SHANK2: variants seen among roughly 807,000 people sequenced by gnomAD.
SHANK2 encodes the protein SH3 and multiple ankyrin repeat domains protein 2.
In SHANK2, 43 loss-of-function variants were observed where a neutral mutation model predicts 133.7. The observed-to-expected ratio is 0.32, with a 90% confidence interval of 0.25 to 0.41. The LOEUF (loss-of-function observed/expected upper bound fraction) is 0.41. Ranked by LOEUF, SHANK2 falls within the 10% of genes least tolerant of loss-of-function variation. SHANK2 has a pLI of 1.00. For missense variants in SHANK2, 1,994 were observed against 2,235.8 expected, an observed-to-expected ratio of 0.89 and a Z score of 2.18; for synonymous variants, 1,017 against 952.8, an observed-to-expected ratio of 1.07 and a Z score of -1.24.
rs186125458 is a variant in SHANK2 at position 71,099,515 on chromosome 11, G to T, written c.593-4827C>A. ...CAAATGTCTCCTGGCTATTGTGCGGGTTAACAGATTTAATGTAAAAAATGC... is the reference window on the plus strand; with the variant it reads ...CAAATGTCTCCTGGCTATTGTGCGGTTTAACAGATTTAATGTAAAAAATGC... On this transcript the variant is annotated intron_variant, in intron 6 of 25. Coordinates refer to ENST00000601538, the MANE Select transcript of SHANK2 (RefSeq NM_012309.5). Among the ~76,000 whole-genome samples, 201 of 152,254 alleles carry T rather than the reference G, an allele frequency of 1.3e-3. 1 individual carries two copies. Among genetic ancestry groups the T allele is most frequent in the Middle Eastern group, 3.4e-3 (1 of 294 alleles).
intron 17 of SHANK2, among the ~76,000 whole-genome samples, chr11:70,589,898 A>T (rs1487746227): frequency 6.6e-6 from 1 of 152,230 alleles, no homozygotes; most frequent in Non-Finnish European, 1.5e-5. Flanking sequence ...TCACGCCTGT[A>T]ATCCCAGCAC....
Position 70,804,478 on chromosome 11 carries a change from C to T in SHANK2, c.1663+2524G>A, listed in dbSNP as rs782605781. ...TCCTTTGAAGTGTGAGTTTTGGAACCGAGCTCTGTCATTTCTGTTCTCCCT... is the reference window on the plus strand; with the variant it reads ...TCCTTTGAAGTGTGAGTTTTGGAACTGAGCTCTGTCATTTCTGTTCTCCCT... On this transcript the variant is annotated intron_variant, in intron 13 of 25. Coordinates refer to ENST00000601538, the MANE Select transcript of SHANK2 (RefSeq NM_012309.5). This position sits in a 1 kb window ranked among gnomAD's most constrained non-coding sequence, Gnocchi z 4.1. Among the ~76,000 whole-genome samples, 5 of 152,184 alleles carry T rather than the reference C, an allele frequency of 3.3e-5. No individual in the cohort carries two copies. Among genetic ancestry groups the T allele is most frequent in the African/African-American group, 9.6e-5 (4 of 41,456 alleles).
At chr11:71,114,674 G>A (rs1333782669) in intron 4 of SHANK2, among the ~76,000 whole-genome samples, 1 of 152,086 alleles carries the variant, frequency 6.6e-6, no homozygotes, top group African/African-American at 2.4e-5. Flanking sequence ...GGAGCTACAG[G>A]CCCATTTTAG....
At chr11:70,489,406 TC>T in intron 23 of SHANK2, 58 bp from the exon 24 acceptor site, 1 of 1,579,654 alleles carries the variant, frequency 6.3e-7, no homozygotes, top group Admixed American at 1.7e-5. Flanking sequence ...TACGCAGCTT[TC>T]CCTGAGTTTG....
At position 70,739,176 on chromosome 11, in the gene SHANK2, C is replaced by A. The variant is rs897304224; in HGVS notation, c.1778-40413G>T. Reference sequence around the variant, plus strand: ...CCCCATCAGGAGCCTGACCCACCAGCAACCAACTGAACCTCAGCCAGAGGG... The same window carrying A: ...CCCCATCAGGAGCCTGACCCACCAGAAACCAACTGAACCTCAGCCAGAGGG... On this transcript the variant is annotated intron_variant, in intron 14 of 25. Transcript: ENST00000601538. This position sits in a 1 kb window ranked among gnomAD's most constrained non-coding sequence, Gnocchi z 4.3. Among the ~76,000 whole-genome samples, 3 of 152,216 alleles carry A rather than the reference C, an allele frequency of 2.0e-5. No individual in the cohort carries two copies. The highest frequency in any genetic ancestry group is 6.5e-5 in the Admixed American group (1 of 15,284).
At chr11:70,886,158 C>T (rs1034234540) in intron 11 of SHANK2, among the ~76,000 whole-genome samples, 6 of 152,116 alleles carry the variant, frequency 3.9e-5, no homozygotes, top group Non-Finnish European at 8.8e-5. Flanking sequence ...CGAAGAGGGA[C>T]GAGACAAGAC....
intron 11 of SHANK2, among the ~76,000 whole-genome samples, chr11:70,821,652 C>T (rs1026144149): frequency 1.3e-5 from 2 of 152,066 alleles, no homozygotes; most frequent in Non-Finnish European, 2.9e-5. Context: ...CTCGAACTCC[C>T]GATCTTGTGA....
chr11:70,581,178 C>A (rs782311680), intron 17 of SHANK2, among the ~76,000 whole-genome samples: 1 of 152,162 alleles, frequency 6.6e-6, no homozygotes, highest in Admixed American at 6.5e-5. Context: ...GTAAGTCTAG[C>A]GTTTGAAGGG....
chr11:70,601,046 T>C (rs1363151726), intron 17 of SHANK2, among the ~76,000 whole-genome samples: 1 of 150,874 alleles, frequency 6.6e-6, no homozygotes, highest in African/African-American at 2.5e-5. Flanking sequence ...TATCTATATC[T>C]ATATCTATAT....
At chr11:71,247,890 C>T (rs1216294578) in intron 1 of SHANK2, among the ~76,000 whole-genome samples, 1 of 152,228 alleles carries the variant, frequency 6.6e-6, no homozygotes, top group African/African-American at 2.4e-5. Context: ...GGTGCAGTGC[C>T]GGGTTTGGCA....
At chr11:70,947,176 C>CACACACACAT (rs1555085644) in intron 10 of SHANK2, among the ~76,000 whole-genome samples, 7 of 139,436 alleles carry the variant, frequency 5.0e-5, no homozygotes, top group African/African-American at 1.7e-4. Context: ...CACACACACA[C>CACACACACAT]ACACACACAC....
In SHANK2 at chr11:71,144,418, C is replaced by T. The variant is rs1952609273; in HGVS notation, c.207+2702G>A. ...TCATCTTCTGGGCAGATACAGAGGA[C>T]CCCGTGGAGGATTCCAGAGCTCCAG... On this transcript the variant is annotated intron_variant, in intron 3 of 25. Transcript: ENST00000601538. Among the ~76,000 whole-genome samples, 3 of 152,268 alleles carry T rather than the reference C, an allele frequency of 2.0e-5. No individual in the cohort carries two copies. In the South Asian group the frequency reaches 6.2e-4, roughly 32 times the overall value.
intron 17 of SHANK2, among the ~76,000 whole-genome samples, chr11:70,511,074 C>A (rs2059199055): frequency 6.6e-6 from 1 of 151,874 alleles, no homozygotes; most frequent in South Asian, 2.1e-4. Context: ...TTTTTGTGCA[C>A]CTGCTCCCCG....
chr11:70,701,639 C>T (rs1039075461), intron 14 of SHANK2, among the ~76,000 whole-genome samples: 2 of 152,052 alleles, frequency 1.3e-5, no homozygotes, highest in Non-Finnish European at 2.9e-5. Flanking sequence ...CTCCTGACCT[C>T]GTGATCCACC....
chr11:70,763,559 T>G (rs559228891), intron 14 of SHANK2, among the ~76,000 whole-genome samples: 1 of 152,244 alleles, frequency 6.6e-6, no homozygotes, highest in Non-Finnish European at 1.5e-5. Flanking sequence ...AAAGGCCACC[T>G]ACTGGGGCCA....
intron 2 of SHANK2, among the ~76,000 whole-genome samples, chr11:71,212,603 T>G (rs1591025392): frequency 6.6e-6 from 1 of 152,222 alleles, no homozygotes; most frequent in Non-Finnish European, 1.5e-5. Context: ...TGCTCTAAGA[T>G]GATGAGACCA....
chr11:71,199,450 C>G (rs1323147261), intron 2 of SHANK2, among the ~76,000 whole-genome samples: 1 of 152,248 alleles, frequency 6.6e-6, no homozygotes, highest in Non-Finnish European at 1.5e-5. Flanking sequence ...TGCAGCTACA[C>G]GTGACCACTC....
rs562370126 is a variant in SHANK2 at position 70,564,054 on chromosome 11, C to T, written c.2062-61123G>A. On this transcript the variant is annotated intron_variant, in intron 17 of 25. Transcript: ENST00000601538. Reference sequence around the variant, plus strand: ...TTCATGTGTCACGTGTCCTTTTATCCCCATGTGGCTGCTTTTAACATATTT... The same window carrying T: ...TTCATGTGTCACGTGTCCTTTTATCTCCATGTGGCTGCTTTTAACATATTT... 2.0e-5 allele frequency among the ~76,000 whole-genome samples: 3 copies of T among 152,002 alleles called. No homozygotes were observed. In the South Asian group the frequency reaches 6.2e-4, roughly 32 times the overall value.
chr11:71,119,231 G>C (rs555933553), intron 3 of SHANK2, among the ~76,000 whole-genome samples, 199 bp from the exon 4 acceptor site: 1 of 152,076 alleles, frequency 6.6e-6, no homozygotes, highest in African/African-American at 2.4e-5. Flanking sequence ...ATATAAAAGG[G>C]AAAAAGGAAA....
Sources: allele counts gnomAD v4.1 joint callset (sites outside exome capture counted in the v4.1 genomes callset), GRCh38; gene constraint gnomAD v4.1.1; non-coding constraint Gnocchi (gnomAD v3.1); transcripts MANE v1.5; gene names NCBI Gene and HGNC (gene_info 2026-07-23, HGNC 2026-07-21).